Variants in GAS2 observed in about 807,000 individuals in gnomAD.
GAS2 encodes growth arrest-specific protein 2.
In GAS2, 20 loss-of-function variants were observed where a neutral mutation model predicts 37.5. That is an observed-to-expected ratio of 0.53 (90% CI 0.37 to 0.77). GAS2 has a LOEUF of 0.77. Among genes scored for constraint, GAS2 ranks in the 30% least tolerant of loss-of-function variants. The pLI, the probability that GAS2 is intolerant of heterozygous loss-of-function variation, is 0.00. For synonymous variants in GAS2, 144 were observed against 132.2 expected, an observed-to-expected ratio of 1.09 and a Z score of -0.61; for missense variants, 336 against 373.4, an observed-to-expected ratio of 0.90 and a Z score of 0.82.
intron 3 of GAS2, among the ~76,000 whole-genome samples, chr11:22,712,541 A>T (rs77688243): frequency 6.6e-6 from 1 of 152,200 alleles, no homozygotes; most frequent in Non-Finnish European, 1.5e-5. Context: ...GGACAAAACA[A>T]TCTGAACAGC....
At chr11:22,787,574 GAA>G (rs1034197392) in intron 7 of GAS2, among the ~76,000 whole-genome samples, 1 of 148,512 alleles carries the variant, frequency 6.7e-6, no homozygotes, top group African/African-American at 2.5e-5. Flanking sequence ...GATTTATTCC[GAA>G]AAAAAAAGAA....
intron 3 of GAS2, among the ~76,000 whole-genome samples, chr11:22,686,359 G>T (rs1458749930): frequency 1.3e-5 from 2 of 151,602 alleles, no homozygotes; most frequent in African/African-American, 2.4e-5. Flanking sequence ...GACTTTTTTT[G>T]AAGAAAACAA....
rs1298342370 is a variant in GAS2, at chr11:22,749,236, G to A, written c.590G>A (p.Ser197Asn). 6.2e-7 allele frequency: 1 copy of A among 1,612,146 alleles called. No homozygotes were observed. The highest frequency in any genetic ancestry group is 8.5e-7 in the Non-Finnish European group (1 of 1,178,984). Residue 197 changes from serine (S) to asparagine (N), a missense_variant, in exon 6 of 8, where the codon AGT becomes AAT. Coordinates refer to ENST00000454584, the MANE Select transcript of GAS2 (RefSeq NM_001143830.3). ...TCATCAAAGTCTTCTGGAAAAAAGAGTACAGGAAACTTACTGGATGATGCA... is the reference window on the plus strand; with the variant it reads ...TCATCAAAGTCTTCTGGAAAAAAGAATACAGGAAACTTACTGGATGATGCA... Reference protein sequence around the residue: ...SPSSKSSGKKSTGNLLDDAVK... With the variant: ...SPSSKSSGKKNTGNLLDDAVK...
rs1258180065 is a variant in GAS2 at position 22,637,477 on chromosome 11, TATA to T, written c.-21+11668_-21+11670del. ...TTAATTATATTAATAGTATACTTAA[TATA>T]ATATTAATTATATTAATAGTATACT... On this transcript the variant is annotated intron_variant, in intron 1 of 5. Coordinates refer to the GAS2 transcript ENST00000528582. Among the ~76,000 whole-genome samples the T allele has an allele frequency of 1.3e-3, 20 of 14,946 alleles. 2 individuals carry two copies. Among genetic ancestry groups the T allele is most frequent in the East Asian group, 4.6e-3 (1 of 216 alleles). The allele number at this position is 14,946 out of a possible 152,430, so 9.8% of individuals were successfully genotyped here.
At chr11:22,741,280 A>T (rs1386742298) in intron 5 of GAS2, among the ~76,000 whole-genome samples, 2 of 150,872 alleles carry the variant, frequency 1.3e-5, no homozygotes, top group African/African-American at 4.9e-5. Context: ...GAAAAATATC[A>T]GTTTCTGAAT....
At position 22,640,417 on chromosome 11, in the gene GAS2, G is replaced by A. The variant is rs75748563; in HGVS notation, c.-21+14604G>A. Among the ~76,000 whole-genome samples the A allele has an allele frequency of 3.8e-3, 572 of 152,234 alleles. 15 individuals carry two copies. The East Asian group carries it at 0.077, about 20-fold the overall frequency. ...TTAACATTTTATTGCCTTAAGGATA[G>A]AAAAGAGCTTTTATTTAAATATAAT... On this transcript the variant is annotated intron_variant, in intron 1 of 5. Transcript: ENST00000528582.
At chr11:22,793,974 G>C (rs190653122) in intron 7 of GAS2, among the ~76,000 whole-genome samples, 1 of 152,174 alleles carries the variant, frequency 6.6e-6, no homozygotes, top group African/African-American at 2.4e-5. Context: ...GTATGGTGGG[G>C]GAGGGGAATA....
At chr11:22,652,881 T>C (rs1386325143) in intron 1 of GAS2, among the ~76,000 whole-genome samples, 1 of 152,224 alleles carries the variant, frequency 6.6e-6, no homozygotes, top group Non-Finnish European at 1.5e-5. Context: ...TCACCCGTCT[T>C]CTGCGTCGCT....
chr11:22,652,787 C>G (rs548499320), intron 1 of GAS2, among the ~76,000 whole-genome samples: 3 of 152,190 alleles, frequency 2.0e-5, no homozygotes, highest in Non-Finnish European at 2.9e-5. Context: ...GGCTCGCACA[C>G]GGTGCGCGCA....
chr11:22,655,089 C>A (rs1367424520), intron 1 of GAS2, among the ~76,000 whole-genome samples: 1 of 152,194 alleles, frequency 6.6e-6, no homozygotes, highest in East Asian at 1.9e-4. Context: ...TACTGCCCTT[C>A]ATGTTCTGAA....
chr11:22,728,152 T>G (rs1174241543), intron 4 of GAS2, among the ~76,000 whole-genome samples: 1 of 152,042 alleles, frequency 6.6e-6, no homozygotes, highest in Non-Finnish European at 1.5e-5. Context: ...GATAAATTGG[T>G]TAATAAAAGC....
intron 4 of GAS2, among the ~76,000 whole-genome samples, chr11:22,730,312 A>T: frequency 6.6e-6 from 1 of 151,856 alleles, no homozygotes; most frequent in East Asian, 1.9e-4. Context: ...CAATTGATTT[A>T]TATTATGATG....
Position 22,642,514 on chromosome 11 carries a change from C to T in GAS2, c.-21+16701C>T, listed in dbSNP as rs571034791. 1.2e-4 allele frequency among the ~76,000 whole-genome samples: 18 copies of T among 152,176 alleles called. No individual in the cohort carries two copies. The South Asian group carries it at 3.5e-3, about 30-fold the overall frequency. ...TATAAACTTGTTTTTTCATCACAGA[C>T]TACTGTCATTCCTCACACTCTTTAA... On this transcript the variant is annotated intron_variant, in intron 1 of 5. Coordinates refer to the GAS2 transcript ENST00000528582.
chr11:22,806,910 A>G (rs1013513641), intron 7 of GAS2, among the ~76,000 whole-genome samples: 3 of 152,142 alleles, frequency 2.0e-5, no homozygotes, highest in Admixed American at 1.3e-4. Context: ...GGATTCCACA[A>G]TTACTCCTCA....
intron 3 of GAS2, among the ~76,000 whole-genome samples, chr11:22,721,943 T>C (rs1428971249): frequency 6.6e-6 from 1 of 152,048 alleles, no homozygotes; most frequent in Admixed American, 6.6e-5. Context: ...GAATGCTTAC[T>C]AATACACTTT....
intron 7 of GAS2, among the ~76,000 whole-genome samples, chr11:22,757,195 A>C (rs1040801462): frequency 6.6e-6 from 1 of 152,110 alleles, no homozygotes; most frequent in African/African-American, 2.4e-5. Context: ...TCTTCAGTCA[A>C]AAATATATAT....
chr11:22,688,276 C>A (rs1850065577), intron 3 of GAS2: 1 of 152,090 alleles, frequency 6.6e-6, no homozygotes, highest in South Asian at 2.1e-4. Context: ...TTGATAAAAT[C>A]TCTTTTCCTT....
rs572721350 is a variant in GAS2, at chr11:22,717,967, A to G, written c.268-8325A>G. The stretch of plus-strand genomic sequence containing the variant: ...GCCTTAATTTAAAAATCAAAAAATA[A>G]TAGATGTTGGCATGGCTATGGTAAA... On this transcript the variant is annotated intron_variant, in intron 3 of 7. Coordinates refer to ENST00000454584, the MANE Select transcript of GAS2 (RefSeq NM_001143830.3). Among the ~76,000 whole-genome samples, 170 of 152,230 alleles carry G rather than the reference A, an allele frequency of 1.1e-3. 2 individuals carry two copies. The highest frequency in any genetic ancestry group is 3.2e-3 in the African/African-American group (132 of 41,552).
In GAS2 at chr11:22,764,351, G is replaced by A. The variant is rs542758083; in HGVS notation, c.723+8398G>A. 5.3e-5 allele frequency among the ~76,000 whole-genome samples: 8 copies of A among 152,130 alleles called. No individual in the cohort carries two copies. In the East Asian group the frequency reaches 9.7e-4, roughly 18 times the overall value. On this transcript the variant is annotated intron_variant, in intron 7 of 7. Coordinates refer to ENST00000454584, the MANE Select transcript of GAS2 (RefSeq NM_001143830.3). ...CGAGGCGGGCGGATCACGAGGTCAG[G>A]AGATCGAGACCATCCTGGCTAACAT...
Sources: allele counts gnomAD v4.1 joint callset (sites outside exome capture counted in the v4.1 genomes callset), GRCh38; gene constraint gnomAD v4.1.1; transcripts MANE v1.5; gene names NCBI Gene and HGNC (gene_info 2026-07-23, HGNC 2026-07-21).